Variants in BCAR1 observed in about 807,000 individuals in gnomAD.
The protein encoded by BCAR1 is breast cancer anti-estrogen resistance protein 1.
A neutral mutation model predicts 67.6 loss-of-function variants in BCAR1; 30 were observed. The ratio of observed to expected loss-of-function variants is 0.44; its 90% CI spans 0.33 to 0.60. The LOEUF (loss-of-function observed/expected upper bound fraction) is 0.60, where lower values mean the gene tolerates loss of function less well. Among genes scored for constraint, BCAR1 ranks in the 20% least tolerant of loss-of-function variants. The probability of loss-of-function intolerance (pLI) is 0.02; values close to 1 mark genes in which losing one functional copy is unlikely to be tolerated. For synonymous variants in BCAR1, 626 were observed against 556.7 expected (o/e 1.12, Z -1.75); for missense variants, 1,313 against 1,222.3 (o/e 1.07, Z -1.11).
chr16:75,251,326 GCAGAAGGAGATCC>G, intron 1 of BCAR1, 132 bp downstream of exon 1: 1 of 1,177,632 alleles, frequency 8.5e-7, no homozygotes, highest in Admixed American at 3.3e-5. Flanking sequence ...CCCGGCCAGG[GCAGAAGGAGATCC>G]CAGGGCCGCG....
intron 6 of BCAR1, among the ~76,000 whole-genome samples, chr16:75,230,676 C>T (rs911620140): frequency 1.3e-5 from 2 of 152,158 alleles, no homozygotes; most frequent in East Asian, 1.9e-4. Flanking sequence ...GCTCTGGCTC[C>T]GGAAGTGACC....
At chr16:75,238,379 T>C in intron 2 of BCAR1, 1 of 1,098,212 alleles carries the variant, frequency 9.1e-7, no homozygotes, top group Non-Finnish European at 1.1e-6. Flanking sequence ...AAAGGGGATG[T>C]CTGGGACAGG....
intron 2 of BCAR1, among the ~76,000 whole-genome samples, chr16:75,239,538 C>A (rs975845678): frequency 6.6e-6 from 1 of 152,196 alleles, no homozygotes; most frequent in African/African-American, 2.4e-5. Context: ...CAAAGTGGGC[C>A]CCCGCCCTGG....
At chr16:75,254,226 C>T (rs1245765374), upstream of BCAR1, among the ~76,000 whole-genome samples, 1 of 152,164 alleles carries the variant, frequency 6.6e-6, no homozygotes, top group Non-Finnish European at 1.5e-5. Flanking sequence ...TCAGCCCACC[C>T]TGCAGCAGGA....
intron 4 of BCAR1, 163 bp downstream of exon 4, chr16:75,236,719 G>T: frequency 7.7e-7 from 1 of 1,305,280 alleles, no homozygotes; most frequent in South Asian, 2.2e-5. Flanking sequence ...TCAGAAGACA[G>T]CTTGATTTCC....
chr16:75,243,925 G>C (rs2077435344), intron 1 of BCAR1, among the ~76,000 whole-genome samples: 1 of 152,264 alleles, frequency 6.6e-6, no homozygotes, highest in African/African-American at 2.4e-5. Flanking sequence ...GATGGGCCCA[G>C]AGAGACAGAG....
intron 2 of BCAR1, chr16:75,238,569 C>T (rs926725179): frequency 6.1e-6 from 6 of 988,880 alleles, no homozygotes; most frequent in Non-Finnish European, 7.2e-6. Flanking sequence ...CGCCAGCACC[C>T]CCCAGCAGCC....
Position 75,238,584 on chromosome 16 carries a change from G to A in BCAR1, c.634-1240C>T, listed in dbSNP as rs1048716574. 3.0e-6 allele frequency: 3 copies of A among 989,194 alleles called. No individual in the cohort carries two copies. The African/African-American group carries it at 5.2e-5, about 17-fold the overall frequency. 61.3% of individuals were successfully genotyped at this position (989,194 alleles called of 1,614,324 possible). ...CGCCAGCACCCCCCAGCAGCCGCAG[G>A]CCTGGCAGAGCCCCCCGCAGCGCAG... is the stretch of plus-strand genomic sequence containing the variant. On this transcript the variant is annotated intron_variant, in intron 2 of 6. Coordinates refer to ENST00000162330, the MANE Select transcript of BCAR1 (RefSeq NM_014567.5).
chr16:75,267,832 GC>G, intron 1 of BCAR1: 2 of 1,444,520 alleles, frequency 1.4e-6, no homozygotes, highest in Middle Eastern at 1.9e-4. Flanking sequence ...GCCTCTTACC[GC>G]CCCAGGGGCT....
At chr16:75,264,650 A>T (rs2077967139) in intron 1 of BCAR1, 2 of 1,260,354 alleles carry the variant, frequency 1.6e-6, no homozygotes, top group Admixed American at 7.6e-5. Context: ...GGGCTCTTTA[A>T]TTCCACAATA....
At chr16:75,256,414 T>G (rs565709931), upstream of BCAR1, 5 of 151,338 alleles carry the variant, frequency 3.3e-5, no homozygotes, top group African/African-American at 1.2e-4. Flanking sequence ...CCAGTGGTCA[T>G]CCCCTTTGGC....
At chr16:75,241,651 C>T (rs2077346009) in intron 2 of BCAR1, among the ~76,000 whole-genome samples, 1 of 152,208 alleles carries the variant, frequency 6.6e-6, no homozygotes, top group Admixed American at 6.5e-5. Flanking sequence ...CCCCCACCCG[C>T]CAACGACCTC....
At chr16:75,236,690 C>G in intron 4 of BCAR1, 192 bp downstream of exon 4, 12 of 1,189,426 alleles carry the variant, frequency 1.0e-5, no homozygotes, top group Non-Finnish European at 1.3e-5. Flanking sequence ...GGCGGTTCTG[C>G]CGACAAAGAA....
Position 75,250,826 on chromosome 16 carries a change from C to T in BCAR1, c.12+645G>A, listed in dbSNP as rs1047511885. 7.1e-6 allele frequency: 7 copies of T among 985,570 alleles called. No individual in the cohort carries two copies. The East Asian group carries it at 7.9e-4, about 112-fold the overall frequency. 61.1% of individuals were successfully genotyped at this position (985,570 alleles called of 1,614,324 possible). ...GCGACACTCGCGTGCGGCTAGGACT[C>T]CTGTGGCCAGGACCCGGCTTCCACC... On this transcript the variant is annotated intron_variant, in intron 1 of 6. Transcript: ENST00000162330.
intron 1 of BCAR1, chr16:75,248,197 G>C: frequency 6.4e-7 from 1 of 1,561,072 alleles, no homozygotes; most frequent in Non-Finnish European, 8.6e-7. Flanking sequence ...GAGGGGTGAC[G>C]CCTGGGTTCG....
Position 75,235,596 on chromosome 16 carries a change from T to C in BCAR1, c.1303A>G (p.Thr435Ala). The C allele has an allele frequency of 1.9e-6, 3 of 1,590,666 alleles. No individual in the cohort carries two copies. The highest frequency in any genetic ancestry group is 2.6e-6 in the Non-Finnish European group (3 of 1,168,176). ...GAGGACGCAGACTGGCTGCTGCGTG[T>C]GCTGCCGGTGCTGGAGGCCGACAGG... is the stretch of plus-strand genomic sequence containing the variant. ...KRLSASSTGS[T>A]RSSQSASSLE... Residue 435 changes from threonine to alanine, a missense_variant, in exon 5 of 7, where the codon ACA becomes GCA. Physicochemically the swap from Thr to Ala is moderately conservative, Grantham distance 58. This residue lies in a region of BCAR1 where 1,272 missense variants were observed against 1,137.5 expected (regional missense o/e 1.12). Coordinates refer to ENST00000162330, the MANE Select transcript of BCAR1 (RefSeq NM_014567.5).
Position 75,236,034 on chromosome 16 carries a change from C to T in BCAR1, c.913-48G>A, listed in dbSNP as rs772357310. 10 of 1,525,858 alleles carry T rather than the reference C, an allele frequency of 6.6e-6. No individual in the cohort carries two copies. The African/African-American group carries it at 1.4e-4, about 21-fold the overall frequency. 94.5% of individuals were successfully genotyped at this position (1,525,858 alleles called of 1,614,324 possible). On this transcript the variant is annotated intron_variant, in intron 4 of 6. Transcript: ENST00000162330. ...GACTGTCCATCTGTCCATCTGCCCACCCCAGGGACTGGGGGCAGCACCCAG... is the reference window on the plus strand; with the variant it reads ...GACTGTCCATCTGTCCATCTGCCCATCCCAGGGACTGGGGGCAGCACCCAG...
At chr16:75,238,609 G>A (rs2077223245) in intron 2 of BCAR1, 3 of 988,134 alleles carry the variant, frequency 3.0e-6, no homozygotes, top group African/African-American at 1.7e-5. Flanking sequence ...CCGCAGCGCA[G>A]CAGAACTGGG....
chr16:75,251,091 G>A (rs1446181135), intron 1 of BCAR1: 15 of 631,614 alleles, frequency 2.4e-5, no homozygotes, highest in Non-Finnish European at 3.0e-5. Context: ...ACCCGCCAGA[G>A]GCTCAACGGC....
Sources: gnomAD v4.1 joint callset for allele counts (sites outside exome capture counted in the v4.1 genomes callset) on GRCh38, gnomAD v4.1.1 for gene constraint, gnomAD v4.1.1 regional missense constraint, MANE v1.5 for transcripts, NCBI Gene and HGNC (gene_info 2026-07-23, HGNC 2026-07-21) for gene names.